LIPC: variants seen among roughly 807,000 people sequenced by gnomAD.
LIPC encodes lipase C, hepatic type.
In LIPC, 44 loss-of-function variants were observed where a neutral mutation model predicts 50.7. That is an observed-to-expected ratio of 0.87 (90% CI 0.68 to 1.11). The LOEUF (loss-of-function observed/expected upper bound fraction) is 1.11. Among genes scored for constraint, LIPC ranks in the 50% most tolerant of loss-of-function variants. LIPC has a pLI of 0.00. For synonymous variants in LIPC, 271 were observed against 256.4 expected, an observed-to-expected ratio of 1.06 and a Z score of -0.54; for missense variants, 697 against 648.2, an observed-to-expected ratio of 1.08 and a Z score of -0.82.
intron 1 of LIPC, among the ~76,000 whole-genome samples, chr15:58,520,570 A>C (rs1355081874): frequency 6.6e-6 from 1 of 152,204 alleles, no homozygotes; most frequent in Non-Finnish European, 1.5e-5. Flanking sequence ...TGCCCCAGAC[A>C]GAATTTCCTC....
intron 1 of LIPC, among the ~76,000 whole-genome samples, chr15:58,486,948 G>A (rs1415727932): frequency 6.6e-6 from 1 of 152,208 alleles, no homozygotes; most frequent in Non-Finnish European, 1.5e-5. Context: ...GCCACCTGGT[G>A]AGCACGGGCC....
intron 1 of LIPC, among the ~76,000 whole-genome samples, chr15:58,489,911 G>A (rs1338220386): frequency 1.3e-5 from 2 of 152,134 alleles, no homozygotes; most frequent in African/African-American, 4.8e-5. Flanking sequence ...GGACAGCTTG[G>A]AGGTTAAAAG....
chr15:58,540,230 T>C (rs185689969), intron 2 of LIPC, among the ~76,000 whole-genome samples: 2 of 152,352 alleles, frequency 1.3e-5, no homozygotes, highest in East Asian at 1.9e-4. Context: ...CAAAATGCAC[T>C]CTTCATTATC....
intron 1 of LIPC, among the ~76,000 whole-genome samples, chr15:58,483,097 T>G (rs11631312): frequency 0.12 from 17,663 of 152,238 alleles, 1,155 homozygotes; most frequent in East Asian, 0.17. Flanking sequence ...GACATGGGTA[T>G]AGAACACACT....
At chr15:58,530,235 G>A (rs1892916604) in intron 1 of LIPC, among the ~76,000 whole-genome samples, 1 of 152,210 alleles carries the variant, frequency 6.6e-6, no homozygotes. Context: ...GGAACCCTTG[G>A]CCATCTCCGG....
At chr15:58,466,852 C>T (rs1894584379) in intron 1 of LIPC, among the ~76,000 whole-genome samples, 1 of 152,194 alleles carries the variant, frequency 6.6e-6, no homozygotes, top group African/African-American at 2.4e-5. Flanking sequence ...TTACTGTAAT[C>T]ACTTCGTAAA....
chr15:58,501,744 T>A (rs1036003610), intron 1 of LIPC, among the ~76,000 whole-genome samples: 1 of 152,094 alleles, frequency 6.6e-6, no homozygotes, highest in African/African-American at 2.4e-5. Context: ...TACCAAGATT[T>A]TTTTTAGAAC....
intron 1 of LIPC, among the ~76,000 whole-genome samples, chr15:58,446,628 C>G (rs1893704076): frequency 6.6e-6 from 1 of 152,132 alleles, no homozygotes; most frequent in Admixed American, 6.5e-5. Context: ...GTCCCATGGC[C>G]TCTTGCGGAC....
At chr15:58,528,243 G>A (rs1359562866) in intron 1 of LIPC, among the ~76,000 whole-genome samples, 1 of 152,108 alleles carries the variant, frequency 6.6e-6, no homozygotes, top group Admixed American at 6.5e-5. Context: ...TCCAGCTCCA[G>A]GGAGGGGAAC....
At chr15:58,491,552 T>C (rs1305346932) in intron 1 of LIPC, among the ~76,000 whole-genome samples, 1 of 152,230 alleles carries the variant, frequency 6.6e-6, no homozygotes, top group Non-Finnish European at 1.5e-5. Flanking sequence ...CTCAGTTTCA[T>C]ACCCCAGAGA....
rs1447046455 is a variant in LIPC, at chr15:58,545,770, G to A, written c.603G>A (p.Glu201=). Residue 201 remains glutamate (E), a synonymous_variant, in exon 5 of 9, where the codon GAG becomes GAA. Coordinates refer to ENST00000299022, the MANE Select transcript of LIPC (RefSeq NM_000236.3). ...TGLDAAGPLF[E]GSAPSNRLSP... is the part of the protein sequence containing the mutation. ...TGGATGCCGCGGGACCTTTGTTTGA[G>A]GGAAGTGCCCCCAGCAATCGTCTTT... 1 of 1,614,062 alleles carries A rather than the reference G, an allele frequency of 6.2e-7. No homozygotes were observed. The highest frequency in any genetic ancestry group is 1.3e-5 in the African/African-American group (1 of 74,930).
intron 1 of LIPC, among the ~76,000 whole-genome samples, chr15:58,535,205 T>C (rs774247849): frequency 2.6e-5 from 4 of 152,332 alleles, no homozygotes; most frequent in Non-Finnish European, 4.4e-5. Flanking sequence ...TAATAGTTGC[T>C]TTTCAAGCTT....
intron 1 of LIPC, among the ~76,000 whole-genome samples, chr15:58,480,802 G>A (rs181443172): frequency 6.6e-6 from 1 of 152,228 alleles, no homozygotes; most frequent in African/African-American, 2.4e-5. Context: ...TTCCAATGTG[G>A]CCCAGGGAAG....
At chr15:58,545,403 T>G (rs1893486302) in intron 4 of LIPC, among the ~76,000 whole-genome samples, 1 of 152,124 alleles carries the variant, frequency 6.6e-6, no homozygotes, top group Non-Finnish European at 1.5e-5. Context: ...CACATCCACA[T>G]AACTTTTGTA....
At chr15:58,513,800 A>C (rs976859665) in intron 1 of LIPC, among the ~76,000 whole-genome samples, 1 of 152,060 alleles carries the variant, frequency 6.6e-6, no homozygotes, top group African/African-American at 2.4e-5. Flanking sequence ...GGCTCCACTC[A>C]CAAGGGGCTG....
intron 1 of LIPC, among the ~76,000 whole-genome samples, chr15:58,473,457 C>A (rs555033172): frequency 3.9e-5 from 6 of 152,092 alleles, no homozygotes; most frequent in Non-Finnish European, 7.3e-5. Flanking sequence ...ATTAACAAGA[C>A]GTTTGGAGGA....
At chr15:58,528,221 C>T (rs1263018416) in intron 1 of LIPC, among the ~76,000 whole-genome samples, 3 of 151,942 alleles carry the variant, frequency 2.0e-5, no homozygotes, top group Admixed American at 6.6e-5. Context: ...AAGCGTTTAT[C>T]TTTGCCCAGA....
intron 1 of LIPC, among the ~76,000 whole-genome samples, chr15:58,462,187 T>A (rs1445658732): frequency 1.3e-5 from 2 of 152,174 alleles, no homozygotes; most frequent in African/African-American, 4.8e-5. Flanking sequence ...ATTTCCACCT[T>A]CCCTATAGGA....
chr15:58,476,757 C>G (rs762855317), intron 1 of LIPC, among the ~76,000 whole-genome samples: 9 of 152,214 alleles, frequency 5.9e-5, no homozygotes, highest in Non-Finnish European at 8.8e-5. Context: ...TTTTTCCCCA[C>G]CTATGAAACA....
Sources: gnomAD v4.1 joint callset for allele counts (sites outside exome capture counted in the v4.1 genomes callset) on GRCh38, gnomAD v4.1.1 for gene constraint, MANE v1.5 for transcripts, NCBI Gene and HGNC (gene_info 2026-07-23, HGNC 2026-07-21) for gene names.